Variants in SLC24A2 observed in about 807,000 individuals in gnomAD.
The protein encoded by SLC24A2 is solute carrier family 24 member 2.
SLC24A2 carries 36 observed loss-of-function variants against 62.0 expected under a neutral mutation model. The observed-to-expected ratio is 0.58, with a 90% CI of 0.44 to 0.77. The LOEUF (loss-of-function observed/expected upper bound fraction) is 0.77. Ranked by LOEUF, SLC24A2 falls within the 30% of genes least tolerant of loss-of-function variation. The probability of loss-of-function intolerance (pLI) is 0.00; values close to 1 mark genes in which losing one functional copy is unlikely to be tolerated. For missense variants in SLC24A2, 846 were observed against 817.9 expected, an observed-to-expected ratio of 1.03 and a Z score of -0.42; for synonymous variants, 358 against 294.0, an observed-to-expected ratio of 1.22 and a Z score of -2.23.
At chr9:20,013,181 C>A in the SLC24A2 span, among the ~76,000 whole-genome samples, 1 of 151,836 alleles carries the variant, frequency 6.6e-6, no homozygotes, top group Non-Finnish European at 1.5e-5. Context: ...ATGAAGCCTG[C>A]ATGGTAGTGG....
intron 8 of SLC24A2, among the ~76,000 whole-genome samples, chr9:19,547,824 A>G (rs1834658078): frequency 6.6e-6 from 1 of 150,786 alleles, no homozygotes; most frequent in African/African-American, 2.5e-5. Context: ...ACAGCAGAGC[A>G]AGAGAGAGAG....
At chr9:19,956,110 G>T in the SLC24A2 span, among the ~76,000 whole-genome samples, 1 of 152,202 alleles carries the variant, frequency 6.6e-6, no homozygotes, top group Non-Finnish European at 1.5e-5. Flanking sequence ...GGAGAGTCCA[G>T]TTTCAGCAAA....
the SLC24A2 span, among the ~76,000 whole-genome samples, chr9:19,994,985 T>C: frequency 6.6e-6 from 1 of 151,994 alleles, no homozygotes; most frequent in Non-Finnish European, 1.5e-5. Context: ...TAAAATGTCA[T>C]GGACATTGAA....
At chr9:19,766,488 G>A (rs1380312588) in intron 2 of SLC24A2, among the ~76,000 whole-genome samples, 1 of 152,146 alleles carries the variant, frequency 6.6e-6, no homozygotes, top group East Asian at 1.9e-4. Flanking sequence ...TTTTTGCATG[G>A]TCATCCTTTT....
chr9:19,922,153 T>C, the SLC24A2 span, among the ~76,000 whole-genome samples: 1 of 152,208 alleles, frequency 6.6e-6, no homozygotes, highest in Non-Finnish European at 1.5e-5. Flanking sequence ...TTTTAGATTC[T>C]AAAAGCCTAA....
the SLC24A2 span, among the ~76,000 whole-genome samples, chr9:19,809,810 G>A: frequency 6.6e-6 from 1 of 151,958 alleles, no homozygotes; most frequent in East Asian, 1.9e-4. Flanking sequence ...TATAACTTCC[G>A]TTGCATCAGC....
At position 19,508,719 on chromosome 9, in the gene SLC24A2, A is replaced by C. The variant is rs892442396; in HGVS notation, c.*7434T>G. Reference sequence around the variant, plus strand: ...TGAAGTGGGAGGATCGCTTGAGTCCAGGTGTTTGAGGCTACACTGAGCTAT... The same window carrying C: ...TGAAGTGGGAGGATCGCTTGAGTCCCGGTGTTTGAGGCTACACTGAGCTAT... On this transcript the variant is annotated 3_prime_UTR_variant, in exon 11 of 11. Coordinates refer to ENST00000341998, the MANE Select transcript of SLC24A2 (RefSeq NM_020344.4). The C allele has an allele frequency of 1.3e-5, 2 of 152,078 alleles. No individual in the cohort carries two copies. Among genetic ancestry groups the C allele is most frequent in the Non-Finnish European group, 2.9e-5 (2 of 68,038 alleles). 9.4% of individuals were successfully genotyped at this position (152,078 alleles called of 1,614,324 possible).
At chr9:19,851,016 TATATATACATA>T in the SLC24A2 span, among the ~76,000 whole-genome samples, 1 of 74,158 alleles carries the variant, frequency 1.3e-5, no homozygotes, top group Non-Finnish European at 2.7e-5. Flanking sequence ...TACATATATA[TATATATACATA>T]TTTTTTTTTT....
the SLC24A2 span, among the ~76,000 whole-genome samples, chr9:20,122,883 G>A: frequency 6.6e-6 from 1 of 152,120 alleles, no homozygotes; most frequent in Admixed American, 6.5e-5. Flanking sequence ...AATCTAAAAT[G>A]AGGACCTAAA....
At chr9:19,921,016 T>C in the SLC24A2 span, among the ~76,000 whole-genome samples, 4 of 147,514 alleles carry the variant, frequency 2.7e-5, no homozygotes, top group African/African-American at 9.9e-5. Flanking sequence ...ATTGAGTCGA[T>C]ATAAGTAACA....
chr9:19,568,397 A>G (rs1443091150), intron 7 of SLC24A2, among the ~76,000 whole-genome samples: 7 of 152,204 alleles, frequency 4.6e-5, no homozygotes, highest in African/African-American at 1.7e-4. Context: ...TGCCGTTCAT[A>G]CTGCAGCTCA....
At chr9:20,078,628 C>A in the SLC24A2 span, among the ~76,000 whole-genome samples, 14 of 152,318 alleles carry the variant, frequency 9.2e-5, no homozygotes, top group African/African-American at 3.4e-4. Context: ...AACCATTCCA[C>A]CCACCTCCAT....
chr9:19,878,281 C>T, the SLC24A2 span, among the ~76,000 whole-genome samples: 1 of 152,070 alleles, frequency 6.6e-6, no homozygotes, highest in Non-Finnish European at 1.5e-5. Context: ...AAATTGAAGC[C>T]CTTGCTGCTA....
chr9:20,089,149 C>A, the SLC24A2 span, among the ~76,000 whole-genome samples: 1 of 152,168 alleles, frequency 6.6e-6, no homozygotes, highest in African/African-American at 2.4e-5. Flanking sequence ...TGTTTCACAG[C>A]CCTTGCCCTT....
chr9:20,144,385 C>G, the SLC24A2 span, among the ~76,000 whole-genome samples: 2 of 152,166 alleles, frequency 1.3e-5, no homozygotes, highest in Non-Finnish European at 2.9e-5. Flanking sequence ...ACAGGGAAAA[C>G]AAACACAGCC....
the SLC24A2 span, among the ~76,000 whole-genome samples, chr9:20,210,010 GCAGA>G: frequency 1.3e-5 from 2 of 152,144 alleles, no homozygotes; most frequent in African/African-American, 4.8e-5. Flanking sequence ...TTTAAAACCT[GCAGA>G]CAGCTTAATT....
At chr9:20,150,174 G>C in the SLC24A2 span, among the ~76,000 whole-genome samples, 1 of 152,006 alleles carries the variant, frequency 6.6e-6, no homozygotes, top group Non-Finnish European at 1.5e-5. Flanking sequence ...CAAGAAATAA[G>C]ATTCTGTTGT....
the SLC24A2 span, among the ~76,000 whole-genome samples, chr9:20,160,959 A>G: frequency 6.6e-6 from 1 of 151,188 alleles, no homozygotes; most frequent in Non-Finnish European, 1.5e-5. Flanking sequence ...CTAGTTCCTT[A>G]AAAGAGAAGT....
chr9:19,531,064 C>T (rs1038385495), intron 8 of SLC24A2, among the ~76,000 whole-genome samples: 1 of 152,158 alleles, frequency 6.6e-6, no homozygotes, highest in African/African-American at 2.4e-5. Flanking sequence ...AAAAAAGCAT[C>T]AGGGAAGTAG....
Sources: allele counts gnomAD v4.1 joint callset (sites outside exome capture counted in the v4.1 genomes callset), GRCh38; gene constraint gnomAD v4.1.1; transcripts MANE v1.5; gene names NCBI Gene and HGNC (gene_info 2026-07-23, HGNC 2026-07-21).